The following MFN2 variants were observed in gnomAD, a reference collection of about 807,000 sequenced individuals.
MFN2 encodes mitofusin 2, also known as mitofusin-2.
Under a neutral mutation model 87.5 loss-of-function variants are expected in MFN2, and 43 were observed. The ratio of observed to expected loss-of-function variants is 0.49; its 90% CI spans 0.38 to 0.63. MFN2 has a LOEUF of 0.63. Ranked by LOEUF, MFN2 falls within the 30% of genes least tolerant of loss-of-function variation. MFN2 has a pLI of 0.00. For missense variants in MFN2, 743 were observed against 972.8 expected (o/e 0.76, Z 3.14); for synonymous variants, 337 against 359.9 (o/e 0.94, Z 0.72).
intron 3 of MFN2, chr1:11,992,289 C>T (rs1638719301): frequency 7.7e-6 from 4 of 518,744 alleles, no homozygotes; most frequent in Non-Finnish European, 1.4e-5. Flanking sequence ...GAAACTAAGA[C>T]CCAGAAAGGT....
chr1:11,998,090 G>C (rs932531297), intron 6 of MFN2, among the ~76,000 whole-genome samples: 3 of 150,960 alleles, frequency 2.0e-5, no homozygotes. Context: ...CACCATGTTG[G>C]CCAGGCTGGT....
chr1:12,010,292 G>A (rs1639635824), intron 18 of MFN2, among the ~76,000 whole-genome samples: 1 of 152,244 alleles, frequency 6.6e-6, no homozygotes, highest in South Asian at 2.1e-4. Flanking sequence ...CTGCGAGACT[G>A]CAGTTCACAG....
chr1:11,997,461 G>C (rs769962901), intron 6 of MFN2, 40 bp downstream of exon 6: 2 of 1,612,826 alleles, frequency 1.2e-6, no homozygotes, highest in South Asian at 1.1e-5. Flanking sequence ...CAAACTGGAA[G>C]GCACCAGGTT....
intron 16 of MFN2, 34 bp downstream of exon 16, chr1:12,006,727 C>T (rs372794577): frequency 8.3e-5 from 76 of 916,084 alleles, no homozygotes; most frequent in South Asian, 4.5e-4. Context: ...AAGGTGGGGG[C>T]GGAGGGCAGG....
chr1:11,999,912 G>T lies in MFN2; in HGVS notation c.816+817G>T, dbSNP rs376132500. On this transcript the variant is annotated intron_variant, in intron 8 of 18. Coordinates refer to ENST00000235329, the MANE Select transcript of MFN2 (RefSeq NM_014874.4). ...GATCGAGACCATCCTGGCTAACGTG[G>T]TGAAACCCCGTGTCTACTAAAAATA... 5.9e-4 allele frequency among the ~76,000 whole-genome samples: 90 copies of T among 151,836 alleles called. No homozygotes were observed. In the East Asian group the frequency reaches 0.017, roughly 30 times the overall value.
At position 12,011,445 on chromosome 1, in the gene MFN2, A is replaced by G. The variant is rs761598187; in HGVS notation, c.2205-51A>G. The G allele has an allele frequency of 5.6e-6, 9 of 1,600,262 alleles. No individual in the cohort carries two copies. The African/African-American group carries it at 1.1e-4, about 19-fold the overall frequency. ...GGATGGTGCCTGGCGGGTAGTCCTA[A>G]TACTGCCTATCATCAGCTATCATGG... is the stretch of plus-strand genomic sequence containing the variant. On this transcript the variant is annotated intron_variant, in intron 18 of 18. Transcript: ENST00000235329.
intron 17 of MFN2, 27 bp from the exon 18 acceptor site, chr1:12,009,565 A>G (rs1469118349): frequency 1.1e-5 from 17 of 1,612,774 alleles, no homozygotes; most frequent in East Asian, 2.2e-5. Flanking sequence ...ACACACCCCA[A>G]CTGGGTCCCT....
chr1:11,991,751 T>C (rs1398155534), intron 3 of MFN2, among the ~76,000 whole-genome samples: 58 of 151,088 alleles, frequency 3.8e-4, no homozygotes, highest in East Asian at 1.4e-3. Context: ...GGTGAAACCC[T>C]GTCTCTACTA....
rs35911686 is a variant in MFN2, at chr1:11,992,967, C to CT, written c.311+289dup. 0.25 allele frequency among the ~76,000 whole-genome samples: 36,028 copies of CT among 143,902 alleles called. 4,882 individuals carry two copies. The highest frequency in any genetic ancestry group is 0.34 in the Admixed American group (4,981 of 14,532). 94.4% of individuals were successfully genotyped at this position (143,902 alleles called of 152,430 possible). On this transcript the variant is annotated intron_variant, in intron 4 of 18. Coordinates refer to ENST00000235329, the MANE Select transcript of MFN2 (RefSeq NM_014874.4). ...TGCAGGTGCATGCCATCAAGCCTGACTTTTTTTTTTTTATTTTCTAATTAA... is the reference window on the plus strand; with the variant it reads ...TGCAGGTGCATGCCATCAAGCCTGACTTTTTTTTTTTTTATTTTCTAATTAA...
chr1:12,009,813 G>A (rs1419377516), intron 18 of MFN2, 87 bp downstream of exon 18: 1 of 1,592,112 alleles, frequency 6.3e-7, no homozygotes, highest in East Asian at 2.2e-5. Context: ...TGCGTCTTGG[G>A]TGTGGACACA....
At chr1:12,001,650 G>A (rs747867479) in intron 9 of MFN2, 96 bp downstream of exon 9, 58 of 1,601,576 alleles carry the variant, frequency 3.6e-5, no homozygotes, top group Non-Finnish European at 5.0e-5. Flanking sequence ...TCTGAGAAGG[G>A]GATGCTGAGA....
chr1:12,004,867 T>G lies in MFN2; in HGVS notation c.1435T>G (p.Ser479Ala). Residue 479 changes from serine to alanine, a missense_variant, in exon 14 of 19, where the codon TCT becomes GCT. Ser to Ala is a moderately conservative substitution (Grantham distance 99). Transcript: ENST00000235329. This position sits in a 1 kb window ranked among gnomAD's most constrained non-coding sequence, Gnocchi z 4.2. Reference sequence around the variant, plus strand: ...AGAGGAAGGACTGGGTCGAAACATGTCTGACCGCTGCTCCACGGCCATCAC... The same window carrying G: ...AGAGGAAGGACTGGGTCGAAACATGGCTGACCGCTGCTCCACGGCCATCAC... ...HIEEGLGRNM[S>A]DRCSTAITNS... 6.2e-7 allele frequency: 1 copy of G among 1,613,882 alleles called. No homozygotes were observed. Among genetic ancestry groups the G allele is most frequent in the Non-Finnish European group, 8.5e-7 (1 of 1,179,868 alleles).
Position 12,003,086 on chromosome 1 carries a change from T to A in MFN2, c.1161-906T>A, listed in dbSNP as rs1480780686. ...TTTCCTATGGATGGAATTTTAGATTTTTTTTTTGCTATTGGAAACCCTACT... is the reference window on the plus strand; with the variant it reads ...TTTCCTATGGATGGAATTTTAGATTATTTTTTTGCTATTGGAAACCCTACT... On this transcript the variant is annotated intron_variant, in intron 11 of 18. Transcript: ENST00000235329. The surrounding 1 kb of genome is among the most constrained non-coding windows in gnomAD (Gnocchi z 4.1). Among the ~76,000 whole-genome samples, 4 of 152,212 alleles carry A rather than the reference T, an allele frequency of 2.6e-5. No individual in the cohort carries two copies. Among genetic ancestry groups the A allele is most frequent in the Non-Finnish European group, 5.9e-5 (4 of 68,040 alleles).
chr1:11,991,650 C>T (rs923364996), intron 3 of MFN2, among the ~76,000 whole-genome samples: 42 of 152,180 alleles, frequency 2.8e-4, no homozygotes, highest in Middle Eastern at 3.4e-3. Context: ...AGAGGCCGGG[C>T]GCGGTGGCTC....
rs187531644 is a variant in MFN2 at position 12,008,225 on chromosome 1, G to A, written c.2069+976G>A. 1.8e-3 allele frequency among the ~76,000 whole-genome samples: 280 copies of A among 151,496 alleles called. 8 individuals are homozygous for A. In the East Asian group the frequency reaches 0.042, roughly 23 times the overall value. On this transcript the variant is annotated intron_variant, in intron 17 of 18. Transcript: ENST00000235329. ...TCCCCCTTTTCTATTCGACAAAACCGCCATCGTCACCATGGCCCGTTCTCA... is the reference window on the plus strand; with the variant it reads ...TCCCCCTTTTCTATTCGACAAAACCACCATCGTCACCATGGCCCGTTCTCA...
chr1:11,992,456 C>T (rs1054979608), intron 3 of MFN2, 99 bp from the exon 4 acceptor site: 12 of 1,474,606 alleles, frequency 8.1e-6, no homozygotes, highest in Admixed American at 1.7e-5. Flanking sequence ...GAGGTGGACT[C>T]GTTTAGGGTA....
At position 12,003,810 on chromosome 1, in the gene MFN2, G is replaced by T. The variant is rs567260526; in HGVS notation, c.1161-182G>T. On this transcript the variant is annotated intron_variant, in intron 11 of 18. Coordinates refer to ENST00000235329, the MANE Select transcript of MFN2 (RefSeq NM_014874.4). The surrounding 1 kb of genome is among the most constrained non-coding windows in gnomAD (Gnocchi z 4.1). ...TGACCCACATCGAAGACTGAAGAGT[G>T]CATGGTTGGCTGCAGGGTCCTCTTC... Among the ~76,000 whole-genome samples, 1 of 152,242 alleles carries T rather than the reference G, an allele frequency of 6.6e-6. No homozygotes were observed.
intron 3 of MFN2, 79 bp downstream of exon 3, chr1:11,989,422 A>C: frequency 6.6e-7 from 1 of 1,506,392 alleles, no homozygotes; most frequent in South Asian, 1.2e-5. Flanking sequence ...GTGGGGAGGT[A>C]TATCTCTGCT....
rs557566736 is a variant in MFN2, at chr1:12,009,186, C to A, written c.2070-406C>A. On this transcript the variant is annotated intron_variant, in intron 17 of 18. Coordinates refer to ENST00000235329, the MANE Select transcript of MFN2 (RefSeq NM_014874.4). ...CTTCGGCTCGGCATCAGAGGGAGAC[C>A]GTGGAAAGAGAGGGAGAGGGAGACC... Among the ~76,000 whole-genome samples, 12 of 151,890 alleles carry A rather than the reference C, an allele frequency of 7.9e-5. No homozygotes were observed. In the South Asian group the frequency reaches 1.3e-3, roughly 16 times the overall value.
Sources: allele counts gnomAD v4.1 joint callset (sites outside exome capture counted in the v4.1 genomes callset), GRCh38; gene constraint gnomAD v4.1.1; non-coding constraint Gnocchi (gnomAD v3.1); transcripts MANE v1.5; gene names NCBI Gene and HGNC (gene_info 2026-07-23, HGNC 2026-07-21).